GRIP1: variants seen among roughly 807,000 people sequenced by gnomAD.
GRIP1 encodes the protein glutamate receptor-interacting protein 1.
In GRIP1, 45 loss-of-function variants were observed where a neutral mutation model predicts 129.9. The observed-to-expected ratio is 0.35, with a 90% CI of 0.27 to 0.44. GRIP1 has a LOEUF of 0.44. GRIP1 is among the 20% of genes least tolerant of loss of function. The probability of loss-of-function intolerance (pLI) is 1.00; values close to 1 mark genes in which losing one functional copy is unlikely to be tolerated. For missense variants in GRIP1, 1,196 were observed against 1,396.8 expected (o/e 0.86, Z 2.29); for synonymous variants, 530 against 520.8 (o/e 1.02, Z -0.24).
chr12:66,351,901 A>C (rs139800967), intron 24 of GRIP1, among the ~76,000 whole-genome samples: 1 of 152,074 alleles, frequency 6.6e-6, no homozygotes, highest in East Asian at 1.9e-4. Context: ...GAACATTGGG[A>C]TACATTCTCT....
chr12:66,537,883 G>A (rs1168516412), intron 4 of GRIP1, among the ~76,000 whole-genome samples: 3 of 152,168 alleles, frequency 2.0e-5, no homozygotes, highest in Non-Finnish European at 4.4e-5. Context: ...TTCAGAAGCT[G>A]ATTTTGCTTT....
intron 1 of GRIP1, among the ~76,000 whole-genome samples, chr12:66,956,116 C>T (rs186682832): frequency 1.3e-5 from 2 of 152,242 alleles, no homozygotes; most frequent in East Asian, 3.9e-4. Context: ...TTCTATTAAC[C>T]AAACTCGGCT....
chr12:66,405,390 A>T (rs1028463715), intron 16 of GRIP1, among the ~76,000 whole-genome samples: 1 of 152,206 alleles, frequency 6.6e-6, no homozygotes, highest in Non-Finnish European at 1.5e-5. Flanking sequence ...TCTTTTGGTG[A>T]ATGGACACTT....
chr12:66,473,620 C>T (rs1182168108), intron 7 of GRIP1, among the ~76,000 whole-genome samples: 1 of 152,198 alleles, frequency 6.6e-6, no homozygotes, highest in African/African-American at 2.4e-5. Flanking sequence ...TGGGACGAAG[C>T]TTCCAAAGGA....
intron 24 of GRIP1, among the ~76,000 whole-genome samples, chr12:66,352,136 A>G (rs906832209): frequency 5.9e-5 from 9 of 152,210 alleles, no homozygotes; most frequent in African/African-American, 2.2e-4. Flanking sequence ...GGAGAATAAA[A>G]TCGCTGCCCT....
chr12:66,568,479 C>T (rs774090120), intron 2 of GRIP1: 2 of 174,378 alleles, frequency 1.1e-5, no homozygotes, highest in African/African-American at 4.8e-5. Flanking sequence ...TGGACCCTGC[C>T]TCCTCCTTGT....
rs1555201176 is a variant in GRIP1 at position 66,528,135 on chromosome 12, T to TTTTTTTTTTG, written c.502+1695_502+1696insCAAAAAAAAA. On this transcript the variant is annotated intron_variant, in intron 5 of 24. Coordinates refer to ENST00000359742, the MANE Select transcript of GRIP1 (RefSeq NM_001366722.1). The stretch of plus-strand genomic sequence containing the variant: ...AGAATTATACTTTAGAATTAGTAGG[T>TTTTTTTTTTG]TTTTTTTTTTTTTTTTTGAGATGGA... Among the ~76,000 whole-genome samples the TTTTTTTTTTG allele has an allele frequency of 5.9e-4, 53 of 90,594 alleles. 1 individual carries two copies. Among genetic ancestry groups the TTTTTTTTTTG allele is most frequent in the African/African-American group, 2.2e-3 (35 of 16,260 alleles). The allele number at this position is 90,594 out of a possible 152,430, so 59.4% of individuals were successfully genotyped here. A position where few individuals can be genotyped will look rare whatever the true frequency, so the allele number is the denominator to read the frequency against.
At chr12:66,927,868 T>A (rs2041321444) in intron 1 of GRIP1, among the ~76,000 whole-genome samples, 1 of 152,214 alleles carries the variant, frequency 6.6e-6, no homozygotes. Context: ...TGATAATGGT[T>A]CAGGAGTGAG....
Position 66,392,419 on chromosome 12 carries a change from C to T in GRIP1, c.2353G>A (p.Ala785Thr), listed in dbSNP as rs1247981359. 5 of 1,613,886 alleles carry T rather than the reference C, an allele frequency of 3.1e-6. No individual in the cohort carries two copies. The highest frequency in any genetic ancestry group is 1.3e-5 in the African/African-American group (1 of 74,920). ...LGDVEEDSSP[A>T]QKPGKLSDMY... is the part of the protein sequence containing the mutation. ...TCGGAGAGCTTGCCTGGCTTCTGTG[C>T]TGGTGAGGAGTCCTCCTCCACATCC... is the stretch of plus-strand genomic sequence containing the variant. Residue 785 changes from alanine (A) to threonine (T), a missense_variant, in exon 19 of 25, where the codon GCA becomes ACA. By Grantham distance (58) the Ala-to-Thr change is moderately conservative. Coordinates refer to ENST00000359742, the MANE Select transcript of GRIP1 (RefSeq NM_001366722.1).
chr12:66,481,597 G>A (rs1024155913), intron 7 of GRIP1, among the ~76,000 whole-genome samples: 1 of 152,028 alleles, frequency 6.6e-6, no homozygotes, highest in Non-Finnish European at 1.5e-5. Flanking sequence ...CCCATTACTG[G>A]GTATATACCC....
intron 1 of GRIP1, among the ~76,000 whole-genome samples, chr12:66,937,865 A>G (rs17103084): frequency 0.022 from 3,328 of 152,280 alleles, 131 homozygotes; most frequent in African/African-American, 0.076. Flanking sequence ...GGTATAAGGG[A>G]AAGGCTCTGA....
chr12:66,843,796 A>G (rs1228819880), intron 1 of GRIP1, among the ~76,000 whole-genome samples: 1 of 137,572 alleles, frequency 7.3e-6, no homozygotes, highest in Non-Finnish European at 1.7e-5. Context: ...ATATATAAAA[A>G]TTAACTTGAA....
At chr12:66,905,175 T>C (rs1173564941) in intron 1 of GRIP1, among the ~76,000 whole-genome samples, 2 of 152,322 alleles carry the variant, frequency 1.3e-5, no homozygotes, top group East Asian at 1.9e-4. Context: ...TGTGTTTCCT[T>C]TTTACTTTAA....
intron 1 of GRIP1, among the ~76,000 whole-genome samples, chr12:66,977,703 T>C (rs1248932287): frequency 1.7e-4 from 26 of 152,136 alleles, no homozygotes; most frequent in Admixed American, 1.7e-3. Context: ...CATTGTTATG[T>C]TGTTGCACGT....
intron 1 of GRIP1, among the ~76,000 whole-genome samples, chr12:67,033,700 A>C (rs2043055371): frequency 6.6e-6 from 1 of 152,098 alleles, no homozygotes; most frequent in East Asian, 1.9e-4. Flanking sequence ...TCTCTCACCC[A>C]CCCCATCCTA....
intron 1 of GRIP1, among the ~76,000 whole-genome samples, chr12:66,939,791 A>G (rs1312841966): frequency 6.6e-6 from 1 of 152,184 alleles, no homozygotes; most frequent in African/African-American, 2.4e-5. Context: ...CCTCTCATTA[A>G]AACTGTAACT....
intron 1 of GRIP1, among the ~76,000 whole-genome samples, chr12:66,870,238 T>A (rs1359766798): frequency 6.6e-6 from 1 of 152,124 alleles, no homozygotes. Context: ...ATGCATATAC[T>A]TGCCAAATTC....
At chr12:66,927,785 A>C (rs1182319894) in intron 1 of GRIP1, among the ~76,000 whole-genome samples, 1 of 152,194 alleles carries the variant, frequency 6.6e-6, no homozygotes. Flanking sequence ...TCTCAGGGGG[A>C]ACAATCCTAT....
intron 1 of GRIP1, among the ~76,000 whole-genome samples, chr12:66,904,979 A>G (rs927446305): frequency 1.3e-5 from 2 of 152,120 alleles, no homozygotes; most frequent in Non-Finnish European, 2.9e-5. Context: ...GGCTACTTCT[A>G]TGGTGCTGCG....
Sources: allele counts gnomAD v4.1 joint callset (sites outside exome capture counted in the v4.1 genomes callset), GRCh38; gene constraint gnomAD v4.1.1; transcripts MANE v1.5; gene names NCBI Gene and HGNC (gene_info 2026-07-23, HGNC 2026-07-21).